Variants in CHI3L2 observed in about 807,000 individuals in gnomAD.
CHI3L2 encodes chitinase 3 like 2.
CHI3L2 carries 47 observed loss-of-function variants against 47.3 expected under a neutral mutation model. That is an observed-to-expected ratio of 0.99 (90% confidence interval 0.79 to 1.27). CHI3L2 has a LOEUF of 1.27. CHI3L2 is among the 50% of genes most tolerant of loss of function. The pLI is 0.00. For synonymous variants in CHI3L2, 198 were observed against 169.9 expected (o/e 1.17, Z -1.28); for missense variants, 497 against 462.1 (o/e 1.08, Z -0.69).
chr1:111,243,089 C>G (rs957794418), intron 10 of CHI3L2, 128 bp from the exon 11 acceptor site: 1 of 446,426 alleles, frequency 2.2e-6, no homozygotes, highest in Non-Finnish European at 4.5e-6. Flanking sequence ...GGCCTAGAAC[C>G]ATTTGAAAAC....
Position 111,230,929 on chromosome 1 carries a change from C to T in CHI3L2, c.258C>T (p.Asn86=), listed in dbSNP as rs1557706817. 1.2e-6 allele frequency: 2 copies of T among 1,613,876 alleles called. No homozygotes were observed. The highest frequency in any genetic ancestry group is 1.7e-6 in the Non-Finnish European group (2 of 1,179,806). The change falls in exon 3 of 11, where the codon AAC becomes AAT. Residue 86 remains asparagine, a synonymous_variant. Coordinates refer to ENST00000369748, the MANE Select transcript of CHI3L2 (RefSeq NM_004000.3). ...AAGTGATGCTCTACCAGACCATCAA[C>T]AGTCTCAAAACCAAGTGAGTAAGAT... is the stretch of plus-strand genomic sequence containing the variant. ...KSEVMLYQTI[N]SLKTKNPKLK...
At chr1:111,230,706 C>A (rs1341447709) in intron 2 of CHI3L2, 36 bp from the exon 3 acceptor site, 3 of 1,561,242 alleles carry the variant, frequency 1.9e-6, no homozygotes, top group Non-Finnish European at 2.6e-6. Flanking sequence ...AGGCAACAGC[C>A]CTAGAGTCTC....
chr1:111,241,304 C>G (rs766000786), intron 8 of CHI3L2, 23 bp from the exon 9 acceptor site: 1 of 1,319,782 alleles, frequency 7.6e-7, no homozygotes, highest in Non-Finnish European at 1.1e-6. Flanking sequence ...TACTGACCCT[C>G]TCGTTTCCCT....
chr1:111,238,888 G>T lies in CHI3L2; in HGVS notation c.874G>T (p.Ala292Ser). The change falls in exon 8 of 11, where the codon GCT becomes TCT. Residue 292 changes from alanine (A) to serine (S), a missense_variant. Transcript: ENST00000369748. Reference sequence around the variant, plus strand: ...GGCCCCTGCCTCTGGCCCTGGAGCTGCTGGACCCATCACAGAGTCTTCAGG... The same window carrying T: ...GGCCCCTGCCTCTGGCCCTGGAGCTTCTGGACCCATCACAGAGTCTTCAGG... ...VGAPASGPGAAGPITESSGFL... is the reference protein window; with the variant it reads ...VGAPASGPGASGPITESSGFL... The T allele has an allele frequency of 6.2e-7, 1 of 1,612,498 alleles. No individual in the cohort carries two copies. Among genetic ancestry groups the T allele is most frequent in the Non-Finnish European group, 8.5e-7 (1 of 1,179,296 alleles).
chr1:111,235,887 A>G, intron 6 of CHI3L2, 124 bp downstream of exon 6: 2 of 1,538,082 alleles, frequency 1.3e-6, no homozygotes, highest in East Asian at 2.3e-5. Context: ...CTAACCCTGC[A>G]TCATTCAGCC....
At position 111,230,773 on chromosome 1, in the gene CHI3L2, C is replaced by T. The variant is rs1409147204; in HGVS notation, c.102C>T (p.Thr34=). The T allele has an allele frequency of 2.0e-5, 33 of 1,613,986 alleles. No individual in the cohort carries two copies. The highest frequency in any genetic ancestry group is 2.5e-5 in the Non-Finnish European group (30 of 1,180,024). The part of the protein sequence containing the change: ...GSAYKLVCYF[T]NWSQDRQEPG... ...CCTACAAACTGGTTTGCTACTTTAC[C>T]AACTGGTCCCAGGACCGGCAGGAAC... Residue 34 remains threonine (T), a synonymous_variant, in exon 3 of 11, where the codon ACC becomes ACT. Transcript: ENST00000369748.
chr1:111,236,791 A>T (rs892200808), intron 7 of CHI3L2, among the ~76,000 whole-genome samples: 1 of 152,248 alleles, frequency 6.6e-6, no homozygotes, highest in Non-Finnish European at 1.5e-5. Flanking sequence ...AATCAGCTGT[A>T]TGGGAGACTG....
chr1:111,242,172 G>T, intron 9 of CHI3L2, 55 bp from the exon 10 acceptor site: 1 of 1,610,332 alleles, frequency 6.2e-7, no homozygotes, highest in South Asian at 1.1e-5. Context: ...ATATGGTCCT[G>T]GGCATTTAGG....
chr1:111,233,954 G>A (rs969774791), intron 4 of CHI3L2, among the ~76,000 whole-genome samples: 10 of 151,584 alleles, frequency 6.6e-5, no homozygotes, highest in South Asian at 6.3e-4. Flanking sequence ...GATTAAGGGC[G>A]GTGCAAGATG....
intron 6 of CHI3L2, 54 bp downstream of exon 6, chr1:111,235,817 A>G (rs1282161419): frequency 1.2e-6 from 2 of 1,601,262 alleles, no homozygotes; most frequent in African/African-American, 2.7e-5. Context: ...GGTCCATGCA[A>G]ATGATGCATC....
At chr1:111,228,299 T>C (rs1025712079) in intron 1 of CHI3L2, among the ~76,000 whole-genome samples, 4 of 152,166 alleles carry the variant, frequency 2.6e-5, no homozygotes, top group African/African-American at 9.7e-5. Context: ...TAAACAAGGC[T>C]ATGAGTGAAC....
chr1:111,231,022 C>T, intron 3 of CHI3L2, 79 bp downstream of exon 3: 1 of 1,143,556 alleles, frequency 8.7e-7, no homozygotes. Context: ...CTAAGACATA[C>T]TATCTCATTC....
At position 111,230,843 on chromosome 1, in the gene CHI3L2, C is replaced by G; in HGVS notation, c.172C>G (p.His58Asp). ...PENIDPFLCS[H>D]LIYSFASIEN... Reference sequence around the variant, plus strand: ...GAATATTGACCCCTTCCTATGCTCTCATCTCATCTATTCATTCGCCAGCAT... The same window carrying G: ...GAATATTGACCCCTTCCTATGCTCTGATCTCATCTATTCATTCGCCAGCAT... The change falls in exon 3 of 11, where the codon CAT (histidine) becomes GAT (aspartate). Residue 58 changes from histidine (H) to aspartate (D), a missense_variant. Physicochemically the swap from His to Asp is moderately conservative, Grantham distance 81 (BLOSUM62 -1). Coordinates refer to ENST00000369748, the MANE Select transcript of CHI3L2 (RefSeq NM_004000.3). 1.2e-6 allele frequency: 2 copies of G among 1,614,046 alleles called. No individual in the cohort carries two copies. The highest frequency in any genetic ancestry group is 1.7e-6 in the Non-Finnish European group (2 of 1,179,952).
At position 111,230,775 on chromosome 1, in the gene CHI3L2, A is replaced by G; in HGVS notation, c.104A>G (p.Asn35Ser). ...TACAAACTGGTTTGCTACTTTACCA[A>G]CTGGTCCCAGGACCGGCAGGAACCA... ...SAYKLVCYFTNWSQDRQEPGK... is the reference protein window; with the variant it reads ...SAYKLVCYFTSWSQDRQEPGK... The change falls in exon 3 of 11, where the codon AAC becomes AGC. Residue 35 changes from asparagine to serine, a missense_variant. By Grantham distance (46) the Asn-to-Ser change is conservative (BLOSUM62 1). Coordinates refer to ENST00000369748, the MANE Select transcript of CHI3L2 (RefSeq NM_004000.3). The G allele has an allele frequency of 6.2e-7, 1 of 1,614,036 alleles. No individual in the cohort carries two copies. The highest frequency in any genetic ancestry group is 8.5e-7 in the Non-Finnish European group (1 of 1,180,002).
intron 2 of CHI3L2, among the ~76,000 whole-genome samples, 156 bp from the exon 3 acceptor site, chr1:111,230,586 C>A (rs1226370308): frequency 6.6e-6 from 1 of 152,022 alleles, no homozygotes; most frequent in Non-Finnish European, 1.5e-5. Context: ...TCTGGGTACT[C>A]AAGAGCCAGC....
intron 4 of CHI3L2, 151 bp from the exon 5 acceptor site, chr1:111,234,756 C>A: frequency 1.4e-6 from 1 of 707,218 alleles, no homozygotes; most frequent in Non-Finnish European, 2.3e-6. Context: ...CTTTTTCTCT[C>A]GTCTGTTCCA....
chr1:111,228,983 C>T (rs560599302), intron 1 of CHI3L2, among the ~76,000 whole-genome samples: 4 of 152,032 alleles, frequency 2.6e-5, no homozygotes, highest in Non-Finnish European at 5.9e-5. Flanking sequence ...TAAAGCACTA[C>T]CAGGGCCAGC....
intron 7 of CHI3L2, among the ~76,000 whole-genome samples, chr1:111,238,096 G>A (rs1659935263): frequency 6.6e-6 from 1 of 152,174 alleles, no homozygotes; most frequent in African/African-American, 2.4e-5. Flanking sequence ...CCTGGAAGCT[G>A]CAGCTTCTAG....
chr1:111,238,318 C>T (rs747725962), intron 7 of CHI3L2, among the ~76,000 whole-genome samples: 13 of 152,320 alleles, frequency 8.5e-5, no homozygotes, highest in African/African-American at 1.4e-4. Flanking sequence ...TGACTCTTTA[C>T]GTTGACATGT....
Sources: allele counts gnomAD v4.1 joint callset (sites outside exome capture counted in the v4.1 genomes callset), GRCh38; gene constraint gnomAD v4.1.1; transcripts MANE v1.5; gene names NCBI Gene and HGNC (gene_info 2026-07-23, HGNC 2026-07-21).